The following NOD2 variants were observed in gnomAD, a reference collection of about 807,000 sequenced individuals.
NOD2 encodes the protein nucleotide binding oligomerization domain containing 2.
Under a neutral mutation model 90.9 loss-of-function variants are expected in NOD2, and 86 were observed. That is an observed-to-expected ratio of 0.95 (90% CI 0.79 to 1.13). The LOEUF is 1.13. Among genes scored for constraint, NOD2 ranks in the 50% most tolerant of loss-of-function variants. The pLI is 0.00. For synonymous variants in NOD2, 581 were observed against 554.6 expected (o/e 1.05, Z -0.67); for missense variants, 1,238 against 1,283.8 (o/e 0.96, Z 0.55).
intron 3 of NOD2, chr16:50,709,967 G>A (rs1252333381): frequency 8.8e-6 from 4 of 455,928 alleles, no homozygotes; most frequent in Non-Finnish European, 1.8e-5. Context: ...GGCCCAGAAA[G>A]GCTAAATGGC....
chr16:50,703,135 C>T (rs550744937), intron 2 of NOD2, among the ~76,000 whole-genome samples: 1 of 152,304 alleles, frequency 6.6e-6, no homozygotes, highest in African/African-American at 2.4e-5. Context: ...AAACTGTTCC[C>T]ATCACCCAGG....
chr16:50,727,264 C>T (rs1965300289), intron 10 of NOD2, among the ~76,000 whole-genome samples: 2 of 152,124 alleles, frequency 1.3e-5, no homozygotes, highest in South Asian at 4.1e-4. Flanking sequence ...GGATGAGTGC[C>T]TCAGTTGCCT....
intron 9 of NOD2, 129 bp downstream of exon 9, chr16:50,723,513 T>C: frequency 2.4e-6 from 2 of 820,510 alleles, no homozygotes; most frequent in South Asian, 2.9e-5. Flanking sequence ...GATTGATTGA[T>C]TGTGTTTGTC....
chr16:50,727,431 T>G, intron 10 of NOD2: 1 of 186,406 alleles, frequency 5.4e-6, no homozygotes, highest in South Asian at 1.1e-4. Context: ...AAAATACATC[T>G]TTATTAATCA....
chr16:50,713,274 C>A (rs888986694), intron 4 of NOD2: 1 of 152,210 alleles, frequency 6.6e-6, no homozygotes, highest in African/African-American at 2.4e-5. Flanking sequence ...GGGCTTTGGG[C>A]TACACCTGGA....
intron 2 of NOD2, among the ~76,000 whole-genome samples, chr16:50,705,747 G>T (rs2150796072): frequency 6.6e-6 from 1 of 152,268 alleles, no homozygotes; most frequent in South Asian, 2.1e-4. Flanking sequence ...TTGTTTTGGG[G>T]TTAAGATTTG....
At position 50,696,628 on chromosome 16, in the gene NOD2, T is replaced by C. The variant is rs559344828; in HGVS notation, c.-8-2860T>C. The C allele has an allele frequency of 1.5e-4, 23 of 153,054 alleles. 1 individual carries two copies. In the South Asian group the frequency reaches 4.1e-3, roughly 28 times the overall value. 9.5% of individuals were successfully genotyped at this position (153,054 alleles called of 1,614,324 possible). A position where few individuals can be genotyped will look rare whatever the true frequency, so the allele number is the denominator to read the frequency against. The stretch of plus-strand genomic sequence containing the variant: ...GATTAACTTCCCAAGCTGGTGAGCT[T>C]CCTGAGCTGGTTAGTGAGAACAGCA... On this transcript the variant is annotated intron_variant, in intron 1 of 11. Transcript: ENST00000647318.
chr16:50,711,022 C>A lies in NOD2; in HGVS notation c.1030C>A (p.Pro344Thr). The A allele has an allele frequency of 6.2e-7, 1 of 1,614,238 alleles. No homozygotes were observed. The highest frequency in any genetic ancestry group is 8.5e-7 in the Non-Finnish European group (1 of 1,180,044). ...CATCTTCCAGTTACTCCTTGACCAC[C>A]CTGACCGTGTCCTGTTAACCTTTGA... ...EDIFQLLLDH[P>T]DRVLLTFDGF... is the part of the protein sequence containing the mutation. Residue 344 changes from proline to threonine, a missense_variant, in exon 4 of 12, where the codon CCT becomes ACT. Physicochemically the swap from Pro to Thr is conservative, Grantham distance 38 (BLOSUM62 -1). Coordinates refer to ENST00000647318, the MANE Select transcript of NOD2 (RefSeq NM_001370466.1).
At chr16:50,695,479 CAAT>C in intron 1 of NOD2, among the ~76,000 whole-genome samples, 1 of 151,924 alleles carries the variant, frequency 6.6e-6, no homozygotes, top group East Asian at 1.9e-4. Context: ...CATTAGGCAT[CAAT>C]GATGAGTAAG....
chr16:50,710,019 G>A (rs938652508), intron 3 of NOD2: 2 of 456,080 alleles, frequency 4.4e-6, no homozygotes, highest in Non-Finnish European at 8.8e-6. Context: ...AAACTCAGGT[G>A]TGTCTGGCTT....
intron 10 of NOD2, chr16:50,727,756 G>A (rs766071709): frequency 8.8e-6 from 3 of 342,120 alleles, no homozygotes; most frequent in South Asian, 2.4e-5. Context: ...TTCTGTTGAC[G>A]AATGCCGGCT....
intron 6 of NOD2, 171 bp from the exon 7 acceptor site, chr16:50,719,754 G>A (rs956011696): frequency 1.4e-5 from 10 of 731,974 alleles, no homozygotes; most frequent in Admixed American, 1.9e-5. Flanking sequence ...AAATGAAGTT[G>A]TGGGAGCCGC....
chr16:50,697,458 G>A (rs546603830), intron 1 of NOD2: 95 of 848,072 alleles, frequency 1.1e-4, no homozygotes, highest in African/African-American at 9.1e-4. Flanking sequence ...ATGGGTCGGC[G>A]GGTTTTTTTC....
Position 50,711,138 on chromosome 16 carries a change from C to G in NOD2, c.1146C>G (p.Asn382Lys). Residue 382 changes from asparagine (N) to lysine (K), a missense_variant, in exon 4 of 12, where the codon AAC (asparagine) becomes AAG (lysine). Physicochemically the swap from Asn to Lys is moderately conservative, Grantham distance 94. Transcript: ENST00000647318. ...CCTCTGTCCAGACCCTGCTCTTCAA[C>G]CTTCTGCAGGGCAACCTGCTGAAGA... ...DPTSVQTLLF[N>K]LLQGNLLKNA... 2 of 1,614,190 alleles carry G rather than the reference C, an allele frequency of 1.2e-6. No homozygotes were observed. Among genetic ancestry groups the G allele is most frequent in the Non-Finnish European group, 1.7e-6 (2 of 1,180,036 alleles).
In NOD2 at chr16:50,707,961, G is replaced by T. The variant is rs766614906; in HGVS notation, c.565+1G>T. ...GTCCCATTGGCCCTGCCTTTGGAAGGTAGGTGTATGTTCTCAGTTAATCAG... is the reference window on the plus strand; with the variant it reads ...GTCCCATTGGCCCTGCCTTTGGAAGTTAGGTGTATGTTCTCAGTTAATCAG... On this transcript the variant is annotated splice_donor_variant, in intron 3 of 11. Transcript: ENST00000647318. LOFTEE classifies it high-confidence loss of function. The T allele has an allele frequency of 6.3e-7, 1 of 1,592,542 alleles. No homozygotes were observed. The highest frequency in any genetic ancestry group is 8.6e-7 in the Non-Finnish European group (1 of 1,160,268).
chr16:50,714,602 CTGTGTGTG>C lies in NOD2; in HGVS notation c.2382-1951_2382-1944del, dbSNP rs67559630. Among the ~76,000 whole-genome samples, 462 of 136,014 alleles carry C rather than the reference CTGTGTGTG, an allele frequency of 3.4e-3. 2 individuals are homozygous for C. Among genetic ancestry groups the C allele is most frequent in the African/African-American group, 0.01 (371 of 35,804 alleles). 89.2% of individuals were successfully genotyped at this position (136,014 alleles called of 152,430 possible). On this transcript the variant is annotated intron_variant, in intron 4 of 11. Coordinates refer to ENST00000647318, the MANE Select transcript of NOD2 (RefSeq NM_001370466.1). Reference sequence around the variant, plus strand: ...CAACCATGAGGTTGCTGTGAGTGCACTGTGTGTGTGTGTGTGTGTGTGTGTGTGTGTGT... The same window carrying C: ...CAACCATGAGGTTGCTGTGAGTGCACTGTGTGTGTGTGTGTGTGTGTGTGT...
chr16:50,694,540 C>T (rs1963555542), intron 1 of NOD2, among the ~76,000 whole-genome samples: 1 of 152,196 alleles, frequency 6.6e-6, no homozygotes, highest in Admixed American at 6.5e-5. Flanking sequence ...ATCCAGCCCA[C>T]CTCCCTCCTA....
intron 1 of NOD2, chr16:50,697,156 C>T (rs1342422685): frequency 2.6e-6 from 3 of 1,139,304 alleles, no homozygotes; most frequent in African/African-American, 1.5e-5. Flanking sequence ...GATCCAGGCT[C>T]ACCAGTCCTG....
chr16:50,697,203 C>T (rs1963687469), intron 1 of NOD2: 4 of 1,524,310 alleles, frequency 2.6e-6, no homozygotes, highest in Non-Finnish European at 3.6e-6. Context: ...CAAGGCCTAC[C>T]CGCAGATGCC....
Sources: gnomAD v4.1 joint callset for allele counts (sites outside exome capture counted in the v4.1 genomes callset) on GRCh38, gnomAD v4.1.1 for gene constraint, MANE v1.5 for transcripts, NCBI Gene and HGNC (gene_info 2026-07-23, HGNC 2026-07-21) for gene names.